Variants in SRBD1 observed in about 807,000 individuals in gnomAD.
The protein encoded by SRBD1 is S1 RNA binding domain 1.
In SRBD1, 88 loss-of-function variants were observed where a neutral mutation model predicts 115.3. The observed-to-expected ratio is 0.76, with a 90% CI of 0.64 to 0.91. The LOEUF (loss-of-function observed/expected upper bound fraction) is 0.91. Among genes scored for constraint, SRBD1 ranks in the 40% least tolerant of loss-of-function variants. The pLI, the probability that SRBD1 is intolerant of heterozygous loss-of-function variation, is 0.00. For synonymous variants in SRBD1, 509 were observed against 407.7 expected (o/e 1.25, Z -2.99); for missense variants, 1,385 against 1,177.4 (o/e 1.18, Z -2.58).
intron 14 of SRBD1, among the ~76,000 whole-genome samples, chr2:45,532,355 ATCTTTCATGTACC>A (rs934923178): frequency 4.6e-5 from 7 of 151,872 alleles, no homozygotes; most frequent in Admixed American, 2.6e-4. Flanking sequence ...GATGTTGGCT[ATCTTTCATGTACC>A]TCTTTCATGG....
At chr2:45,446,112 T>C (rs894342420) in intron 16 of SRBD1, among the ~76,000 whole-genome samples, 1 of 152,218 alleles carries the variant, frequency 6.6e-6, no homozygotes, top group Non-Finnish European at 1.5e-5. Flanking sequence ...GGACAGGATC[T>C]AGGGCATTAA....
At position 45,581,683 on chromosome 2, in the gene SRBD1, G is replaced by T. The variant is rs779920093; in HGVS notation, c.933+10C>A. On this transcript the variant is annotated intron_variant, in intron 6 of 20. Transcript: ENST00000263736. The stretch of plus-strand genomic sequence containing the variant: ...AGGTATTACATTAAAAGATAAAAAG[G>T]ATTCCTTACCACGTGTTCTAGTTCT... 9 of 1,601,360 alleles carry T rather than the reference G, an allele frequency of 5.6e-6. No homozygotes were observed. Among genetic ancestry groups the T allele is most frequent in the Non-Finnish European group, 6.0e-6 (7 of 1,172,874 alleles).
chr2:45,459,362 C>A (rs1268575466), intron 16 of SRBD1, among the ~76,000 whole-genome samples: 1 of 152,142 alleles, frequency 6.6e-6, no homozygotes, highest in African/African-American at 2.4e-5. Flanking sequence ...TGGATTATGA[C>A]CACAGCAACG....
Position 45,599,555 on chromosome 2 carries a change from A to G in SRBD1, c.542T>C (p.Leu181Ser), listed in dbSNP as rs1457897112. 1 of 1,614,096 alleles carries G rather than the reference A, an allele frequency of 6.2e-7. No homozygotes were observed. The highest frequency in any genetic ancestry group is 8.5e-7 in the Non-Finnish European group (1 of 1,180,042). ...ATATGTCTCAGTCTTGATTTTCTTT[A>G]AAGCGGACTGACCAAATGTAAAGTC... Reference protein sequence around the residue: ...DDDFTFGQSALKKIKTETYPQ... With the variant: ...DDDFTFGQSASKKIKTETYPQ... Residue 181 changes from leucine to serine, a missense_variant, in exon 4 of 21, where the codon TTA becomes TCA. Leu to Ser is a moderately radical substitution (Grantham distance 145). Transcript: ENST00000263736.
intron 5 of SRBD1, among the ~76,000 whole-genome samples, chr2:45,583,285 G>A (rs1673422544): frequency 1.3e-5 from 2 of 151,910 alleles, no homozygotes; most frequent in African/African-American, 4.8e-5. Context: ...AGAATATGCA[G>A]TACTTAGATT....
Position 45,532,201 on chromosome 2 carries a change from C to A in SRBD1, c.1874+14531G>T, listed in dbSNP as rs185352505. Among the ~76,000 whole-genome samples the A allele has an allele frequency of 4.6e-3, 693 of 151,896 alleles. 15 individuals are homozygous for A. Among genetic ancestry groups the A allele is most frequent in the Non-Finnish European group, 7.0e-3 (478 of 67,876 alleles). On this transcript the variant is annotated intron_variant, in intron 14 of 20. Coordinates refer to ENST00000263736, the MANE Select transcript of SRBD1 (RefSeq NM_018079.5). Reference sequence around the variant, plus strand: ...ATCAGCACCATCACAACCACCCTCCCCAAGACTTAAAACAACTGCTTTAAA... The same window carrying A: ...ATCAGCACCATCACAACCACCCTCCACAAGACTTAAAACAACTGCTTTAAA...
intron 1 of SRBD1, among the ~76,000 whole-genome samples, chr2:45,608,630 C>T (rs1002983506): frequency 6.6e-6 from 1 of 150,904 alleles, no homozygotes; most frequent in African/African-American, 2.4e-5. Flanking sequence ...CAAACCGTGC[C>T]TTTAACATTC....
At chr2:45,558,065 G>A (rs1572774259) in intron 10 of SRBD1, among the ~76,000 whole-genome samples, 1 of 152,136 alleles carries the variant, frequency 6.6e-6, no homozygotes, top group African/African-American at 2.4e-5. Flanking sequence ...ATTTAAAGTA[G>A]AGACAGTTTC....
chr2:45,445,524 G>A (rs1005478703), intron 16 of SRBD1, among the ~76,000 whole-genome samples: 11 of 97,668 alleles, frequency 1.1e-4, no homozygotes, highest in Non-Finnish European at 1.9e-4. Context: ...AGTGTGAAAT[G>A]CACAGAAGCA....
intron 16 of SRBD1, among the ~76,000 whole-genome samples, chr2:45,435,721 T>C (rs1263503271): frequency 6.6e-6 from 1 of 152,036 alleles, no homozygotes; most frequent in Non-Finnish European, 1.5e-5. Context: ...CAGAAAGGGG[T>C]AGAAGTGAGC....
chr2:45,503,503 CATTTG>C (rs1482230024), intron 14 of SRBD1, among the ~76,000 whole-genome samples: 3 of 152,140 alleles, frequency 2.0e-5, no homozygotes, highest in Non-Finnish European at 4.4e-5. Flanking sequence ...CTTAAAAATA[CATTTG>C]ATTTATCTTG....
intron 19 of SRBD1, among the ~76,000 whole-genome samples, chr2:45,394,730 T>G (rs905272705): frequency 2.6e-5 from 4 of 152,230 alleles, no homozygotes; most frequent in Non-Finnish European, 5.9e-5. Flanking sequence ...TGAATTCAAA[T>G]GTGCAACACT....
rs531532735 is a variant in SRBD1 at position 45,502,740 on chromosome 2, A to T, written c.1875-14409T>A. ...ATATACCTAATGTAAATGATGAGTT[A>T]AGTGGTGCAGCACACCAACATGGCA... On this transcript the variant is annotated intron_variant, in intron 14 of 20. Coordinates refer to ENST00000263736, the MANE Select transcript of SRBD1 (RefSeq NM_018079.5). 2.2e-4 allele frequency among the ~76,000 whole-genome samples: 34 copies of T among 152,194 alleles called. 1 individual carries two copies. The South Asian group carries it at 6.7e-3, about 30-fold the overall frequency.
chr2:45,529,722 A>G (rs925307081), intron 14 of SRBD1, among the ~76,000 whole-genome samples: 2 of 152,044 alleles, frequency 1.3e-5, no homozygotes, highest in Non-Finnish European at 2.9e-5. Context: ...GAAAGAAAAT[A>G]GGTATCTGGG....
chr2:45,573,231 G>A lies in SRBD1; in HGVS notation c.1281C>T (p.Asn427=). ...KFLLYQHFSC[N]IRNIHHHQIL... ...CCTGATGATGGTGAATGTTTCTTAT[G>A]TTGCAGGAAAAATGCTGGTAGAGCA... The change falls in exon 9 of 21, where the codon AAC becomes AAT. Residue 427 remains asparagine, a synonymous_variant. Transcript: ENST00000263736. 6.2e-7 allele frequency: 1 copy of A among 1,609,674 alleles called. No homozygotes were observed. The highest frequency in any genetic ancestry group is 1.1e-5 in the South Asian group (1 of 89,994).
chr2:45,528,999 T>C (rs1671533971), intron 14 of SRBD1, among the ~76,000 whole-genome samples: 1 of 151,896 alleles, frequency 6.6e-6, no homozygotes, highest in Non-Finnish European at 1.5e-5. Context: ...TCAAAAAATG[T>C]GTTGTGTGAA....
chr2:45,592,236 T>C (rs1237922231), intron 4 of SRBD1, among the ~76,000 whole-genome samples: 1 of 152,182 alleles, frequency 6.6e-6, no homozygotes, highest in Non-Finnish European at 1.5e-5. Flanking sequence ...CTTGGGTATG[T>C]CTTTGTCAGC....
intron 14 of SRBD1, among the ~76,000 whole-genome samples, chr2:45,515,516 C>G (rs1671092828): frequency 6.6e-6 from 1 of 152,060 alleles, no homozygotes; most frequent in Non-Finnish European, 1.5e-5. Flanking sequence ...CAGAAAGATT[C>G]AAAAACTTGC....
intron 16 of SRBD1, among the ~76,000 whole-genome samples, chr2:45,454,867 A>T (rs1669105621): frequency 6.6e-6 from 1 of 151,952 alleles, no homozygotes; most frequent in Non-Finnish European, 1.5e-5. Context: ...TTCTAATTTG[A>T]ATCAACAGAA....
Sources: gnomAD v4.1 joint callset for allele counts (sites outside exome capture counted in the v4.1 genomes callset) on GRCh38, gnomAD v4.1.1 for gene constraint, MANE v1.5 for transcripts, NCBI Gene and HGNC (gene_info 2026-07-23, HGNC 2026-07-21) for gene names.